VASP: variants seen among roughly 807,000 people sequenced by gnomAD.
The protein encoded by VASP is vasodilator-stimulated phosphoprotein.
Under a neutral mutation model 54.4 loss-of-function variants are expected in VASP, and 27 were observed. That is an observed-to-expected ratio of 0.50 (90% confidence interval 0.37 to 0.68). The LOEUF (loss-of-function observed/expected upper bound fraction) is 0.68. Among genes scored for constraint, VASP ranks in the 30% least tolerant of loss-of-function variants. The pLI is 0.00. For synonymous variants in VASP, 233 were observed against 209.8 expected, an observed-to-expected ratio of 1.11 and a Z score of -0.96; for missense variants, 488 against 528.3, an observed-to-expected ratio of 0.92 and a Z score of 0.75.
chr19:45,514,528 G>A (rs894659066), intron 1 of VASP, among the ~76,000 whole-genome samples: 5 of 152,144 alleles, frequency 3.3e-5, no homozygotes, highest in African/African-American at 7.2e-5. Flanking sequence ...GCCCCACCTC[G>A]TGTTTTAACA....
chr19:45,518,121 A>G (rs1394303572), intron 3 of VASP, 27 bp downstream of exon 3: 1 of 1,606,090 alleles, frequency 6.2e-7, no homozygotes, highest in East Asian at 2.2e-5. Flanking sequence ...GGCAAAGGGG[A>G]CCAGTGAATG....
rs186268136 is a variant in VASP, at chr19:45,522,511, G to C, written c.650G>C (p.Gly217Ala). ...APPLPAAQGP[G>A]GGGAGAPGLA... ...CCTCTCCCGGCAGCACAGGGCCCTG[G>C]TGGTGGGGGAGCTGGGGCCCCAGGC... Residue 217 changes from glycine (G) to alanine (A), a missense_variant, in exon 6 of 13, where the codon GGT becomes GCT. Physicochemically the swap from Gly to Ala is moderately conservative, Grantham distance 60. This residue lies in a region of VASP where 226 missense variants were observed against 196.0 expected (regional missense o/e 1.15). Coordinates refer to ENST00000245932, the MANE Select transcript of VASP (RefSeq NM_003370.4). 39 of 1,458,256 alleles carry C rather than the reference G, an allele frequency of 2.7e-5. No individual in the cohort carries two copies. The highest frequency in any genetic ancestry group is 2.0e-4 in the Admixed American group (7 of 35,696). 90.3% of individuals were successfully genotyped at this position (1,458,256 alleles called of 1,614,324 possible).
chr19:45,507,652 G>T lies in VASP; in HGVS notation c.-120G>T. 1 of 1,345,570 alleles carries T rather than the reference G, an allele frequency of 7.4e-7. No homozygotes were observed. Among genetic ancestry groups the T allele is most frequent in the Non-Finnish European group, 1.0e-6 (1 of 991,448 alleles). The allele number at this position is 1,345,570 out of a possible 1,614,324, so 83.4% of individuals were successfully genotyped here. On this transcript the variant is annotated 5_prime_UTR_variant, in exon 1 of 13. Transcript: ENST00000245932. This position sits in a 1 kb window ranked among gnomAD's most constrained non-coding sequence, Gnocchi z 4.4. ...CTCCCCAGGAAGCCGGACTCTATGG[G>T]GCGGGACCCTGGGGGAGCCTGAGCC...
At chr19:45,523,735 G>T in intron 8 of VASP, 40 bp downstream of exon 8, 2 of 1,613,876 alleles carry the variant, frequency 1.2e-6, no homozygotes, top group South Asian at 2.2e-5. Flanking sequence ...CTCTTAGGCC[G>T]TACCATGAGG....
intron 11 of VASP, chr19:45,524,901 C>T (rs1449911304): frequency 9.7e-6 from 4 of 412,996 alleles, no homozygotes; most frequent in Admixed American, 3.5e-5. Flanking sequence ...ATTCTTTCCG[C>T]ACATTGACCC....
In VASP at chr19:45,523,256, G is replaced by A. The variant is rs533434287; in HGVS notation, c.822-388G>A. On this transcript the variant is annotated intron_variant, in intron 7 of 12. Transcript: ENST00000245932. Reference sequence around the variant, plus strand: ...CTTGCTCTGTCACCCAGGCTGGAGTGCAGTGGTATGATCTCGGTCCACTGC... The same window carrying A: ...CTTGCTCTGTCACCCAGGCTGGAGTACAGTGGTATGATCTCGGTCCACTGC... 2.4e-3 allele frequency among the ~76,000 whole-genome samples: 307 copies of A among 127,824 alleles called. 1 individual carries two copies. The highest frequency in any genetic ancestry group is 4.0e-3 in the Non-Finnish European group (258 of 64,440). 83.9% of individuals were successfully genotyped at this position (127,824 alleles called of 152,430 possible).
intron 6 of VASP, 51 bp downstream of exon 6, chr19:45,522,632 T>C: frequency 6.5e-7 from 1 of 1,533,494 alleles, no homozygotes; most frequent in African/African-American, 1.4e-5. Context: ...TTATGGGGGA[T>C]GAGGCCAGGG....
At chr19:45,519,163 A>G (rs1968771041) in intron 3 of VASP, among the ~76,000 whole-genome samples, 1 of 151,930 alleles carries the variant, frequency 6.6e-6, no homozygotes, top group Admixed American at 6.6e-5. Flanking sequence ...TATAGGCGTG[A>G]GCCACCACAC....
At chr19:45,521,504 A>G in intron 4 of VASP, 98 bp downstream of exon 4, 1 of 1,133,408 alleles carries the variant, frequency 8.8e-7, no homozygotes, top group Non-Finnish European at 1.2e-6. Context: ...GCCAACTTGC[A>G]GTTTTCAGAA....
chr19:45,518,485 C>T (rs1483762621), intron 3 of VASP, among the ~76,000 whole-genome samples: 2 of 152,068 alleles, frequency 1.3e-5, no homozygotes, highest in Non-Finnish European at 2.9e-5. Flanking sequence ...GTGTTTGAAC[C>T]CAGGAGATAG....
At chr19:45,518,430 T>G (rs1359875134) in intron 3 of VASP, among the ~76,000 whole-genome samples, 5 of 152,048 alleles carry the variant, frequency 3.3e-5, no homozygotes, top group African/African-American at 1.2e-4. Flanking sequence ...GGCGTGGTGG[T>G]GCGCGCCTGT....
At position 45,524,609 on chromosome 19, in the gene VASP, A is replaced by AC; in HGVS notation, c.999dup (p.Cys334LeufsTer7). On this transcript the variant is annotated frameshift_variant, in exon 11 of 13. Coordinates refer to ENST00000245932, the MANE Select transcript of VASP (RefSeq NM_003370.4). LOFTEE classifies it high-confidence loss of function. ...CTTCGGTGACCACTTCCGAGACCCA[A>AC]CCCTGCACGCCCAGCTCCAGTGATT... The AC allele has an allele frequency of 6.2e-7, 1 of 1,613,842 alleles. No individual in the cohort carries two copies. Among genetic ancestry groups the AC allele is most frequent in the South Asian group, 1.1e-5 (1 of 91,068 alleles).
intron 3 of VASP, among the ~76,000 whole-genome samples, chr19:45,520,202 A>G (rs1022988787): frequency 6.6e-6 from 1 of 152,086 alleles, no homozygotes; most frequent in Non-Finnish European, 1.5e-5. Context: ...CGCCCAGCCC[A>G]GTTGCTATTT....
chr19:45,526,886 G>A lies in VASP; in HGVS notation c.*709G>A, dbSNP rs1328664677. ...TACCCCTTGGAGGAAATAAGATGAG[G>A]GAGAAAGGAGAAGGGGAGGAAACTT... On this transcript the variant is annotated 3_prime_UTR_variant, in exon 13 of 13. Coordinates refer to ENST00000245932, the MANE Select transcript of VASP (RefSeq NM_003370.4). The A allele has an allele frequency of 6.6e-6, 1 of 152,054 alleles. No individual in the cohort carries two copies. The highest frequency in any genetic ancestry group is 1.5e-5 in the Non-Finnish European group (1 of 68,012). 9.4% of individuals were successfully genotyped at this position (152,054 alleles called of 1,614,324 possible).
chr19:45,507,639 C>A lies in VASP; in HGVS notation c.-133C>A. On this transcript the variant is annotated 5_prime_UTR_variant, in exon 1 of 13. Coordinates refer to ENST00000245932, the MANE Select transcript of VASP (RefSeq NM_003370.4). The surrounding 1 kb of genome is among the most constrained non-coding windows in gnomAD (Gnocchi z 4.4). ...CCCGGTCCACATTCTCCCCAGGAAG[C>A]CGGACTCTATGGGGCGGGACCCTGG... is the stretch of plus-strand genomic sequence containing the variant. 1 of 1,200,926 alleles carries A rather than the reference C, an allele frequency of 8.3e-7. No individual in the cohort carries two copies. Among genetic ancestry groups the A allele is most frequent in the African/African-American group, 1.6e-5 (1 of 62,442 alleles). 74.4% of individuals were successfully genotyped at this position (1,200,926 alleles called of 1,614,324 possible). A position where few individuals can be genotyped will look rare whatever the true frequency, so the allele number is the denominator to read the frequency against.
rs528165680 is a variant in VASP at position 45,522,200 on chromosome 19, G to A, written c.461G>A (p.Arg154His). 46 of 1,614,138 alleles carry A rather than the reference G, an allele frequency of 2.8e-5. 1 individual carries two copies. The South Asian group carries it at 4.2e-4, about 15-fold the overall frequency. ...CCCGGCCCGTCGGAGCACATAGAGC[G>A]CCGGGTCTCCAATGCAGGTGATGCT... ...QQPGPSEHIERRVSNAGGPPA... is the reference protein window; with the variant it reads ...QQPGPSEHIEHRVSNAGGPPA... Residue 154 changes from arginine (R) to histidine (H), a missense_variant, in exon 5 of 13, where the codon CGC becomes CAC. Transcript: ENST00000245932.
At position 45,521,378 on chromosome 19, in the gene VASP, T is replaced by C; in HGVS notation, c.400T>C (p.Ser134Pro). ...CACCTGGTCGGTCCCGAACGGCCCC[T>C]CCCCGGAGGAGGTGGAGCAGCAGAA... The part of the protein sequence containing the change: ...LPTWSVPNGP[S>P]PEEVEQQKRQ... Residue 134 changes from serine (S) to proline (P), a missense_variant, in exon 4 of 13, where the codon TCC (serine) becomes CCC (proline). By Grantham distance (74) the Ser-to-Pro change is moderately conservative. Transcript: ENST00000245932. The C allele has an allele frequency of 6.3e-7, 1 of 1,577,498 alleles. No individual in the cohort carries two copies. The highest frequency in any genetic ancestry group is 8.6e-7 in the Non-Finnish European group (1 of 1,161,796).
At chr19:45,508,065 A>G (rs1968524231) in intron 1 of VASP, among the ~76,000 whole-genome samples, 1 of 151,546 alleles carries the variant, frequency 6.6e-6, no homozygotes, top group African/African-American at 2.4e-5. Flanking sequence ...GAGGACCTCA[A>G]AGTTGGCAGC....
chr19:45,524,540 T>C, intron 10 of VASP, 30 bp from the exon 11 acceptor site: 2 of 1,605,864 alleles, frequency 1.2e-6, no homozygotes, highest in Non-Finnish European at 1.7e-6. Flanking sequence ...CTAATCTCAT[T>C]GCTGTCCCAA....
Sources: gnomAD v4.1 joint callset for allele counts (sites outside exome capture counted in the v4.1 genomes callset) on GRCh38, gnomAD v4.1.1 for gene constraint, gnomAD v4.1.1 regional missense constraint, Gnocchi (gnomAD v3.1) non-coding constraint, MANE v1.5 for transcripts, NCBI Gene and HGNC (gene_info 2026-07-23, HGNC 2026-07-21) for gene names.